Variants in ADGRF1 observed in about 807,000 individuals in gnomAD.
The protein encoded by ADGRF1 is adhesion G protein-coupled receptor F1, also known as G protein-coupled receptor 110.
Under a neutral mutation model 87.2 loss-of-function variants are expected in ADGRF1, and 85 were observed. The observed-to-expected ratio is 0.97, with a 90% confidence interval of 0.82 to 1.17. The LOEUF (loss-of-function observed/expected upper bound fraction) is 1.17. Ranked by LOEUF, ADGRF1 falls within the 50% of genes most tolerant of loss-of-function variation. ADGRF1 has a pLI of 0.00. For missense variants in ADGRF1, 1,169 were observed against 1,077.2 expected, an observed-to-expected ratio of 1.09 and a Z score of -1.19; for synonymous variants, 430 against 408.8, an observed-to-expected ratio of 1.05 and a Z score of -0.63.
rs752170339 is a variant in ADGRF1, at chr6:47,009,760, C to T, written c.1675G>A (p.Val559Met). 18 of 1,614,030 alleles carry T rather than the reference C, an allele frequency of 1.1e-5. No homozygotes were observed. Among genetic ancestry groups the T allele is most frequent in the East Asian group, 2.2e-5 (1 of 44,894 alleles). The stretch of plus-strand genomic sequence containing the variant: ...GTCAAGTGAGTACATTGGCACGTCA[C>T]GATGTCTTGAGTTTCATTCACTAGG... ...CHLVNETQDI[V>M]TCQCTHLTSF... Residue 559 changes from valine to methionine, a missense_variant, in exon 11 of 15, where the codon GTG (valine) becomes ATG (methionine). Val to Met is a conservative substitution (Grantham distance 21). Transcript: ENST00000371253.
chr6:47,023,873 G>C (rs1032609270), intron 5 of ADGRF1, among the ~76,000 whole-genome samples, 171 bp downstream of exon 5: 1 of 152,188 alleles, frequency 6.6e-6, no homozygotes, highest in Non-Finnish European at 1.5e-5. Context: ...TGGATCTTCT[G>C]TACTATGAAA....
Position 47,024,211 on chromosome 6 carries a change from TTGCAGTC to T in ADGRF1, c.278-1_283del. 1 of 1,613,096 alleles carries T rather than the reference TTGCAGTC, an allele frequency of 6.2e-7. No individual in the cohort carries two copies. ...ACACTGCAGGACTCCATTCAGGCTG[TTGCAGTC>T]TGCACAAGAAATAGAACTCAGTCTC... is the stretch of plus-strand genomic sequence containing the variant. On this transcript the variant is annotated splice_acceptor_variant and coding_sequence_variant, in exon 5 of 15. Transcript: ENST00000371253. LOFTEE classifies it high-confidence loss of function.
intron 9 of ADGRF1, chr6:47,014,019 C>T: frequency 6.3e-6 from 1 of 158,384 alleles, no homozygotes; most frequent in Non-Finnish European, 1.4e-5. Flanking sequence ...TGAGTCAAAC[C>T]TCTTTTCTTT....
chr6:47,020,502 C>CAAAA lies in ADGRF1; in HGVS notation c.611+225_611+228dup, dbSNP rs748152209. On this transcript the variant is annotated intron_variant, in intron 7 of 14. Coordinates refer to ENST00000371253, the MANE Select transcript of ADGRF1 (RefSeq NM_153840.4). ...TTGGGCGACAAGAGTGACATTCTGT[C>CAAAA]AAAAAAAAAAAAAAATTTAAGGTCC... The CAAAA allele has an allele frequency of 2.1e-4, 258 of 1,246,550 alleles. No homozygotes were observed. In the African/African-American group the frequency reaches 3.6e-3, roughly 17 times the overall value. 77.2% of individuals were successfully genotyped at this position (1,246,550 alleles called of 1,614,324 possible).
chr6:47,042,024 C>T (rs1780754294), intron 1 of ADGRF1, among the ~76,000 whole-genome samples, 167 bp downstream of exon 1: 1 of 152,172 alleles, frequency 6.6e-6, no homozygotes, highest in South Asian at 2.1e-4. Flanking sequence ...GTTGTTTCTG[C>T]TCATTGCTTT....
rs552572214 is a variant in ADGRF1 at position 46,999,242 on chromosome 6, T to A, written c.*980A>T. 1 of 152,352 alleles carries A rather than the reference T, an allele frequency of 6.6e-6. No individual in the cohort carries two copies. The highest frequency in any genetic ancestry group is 2.4e-5 in the African/African-American group (1 of 41,584). The allele number at this position is 152,352 out of a possible 1,614,324, so 9.4% of individuals were successfully genotyped here. A position where few individuals can be genotyped will look rare whatever the true frequency, so the allele number is the denominator to read the frequency against. On this transcript the variant is annotated 3_prime_UTR_variant, in exon 15 of 15. Transcript: ENST00000371253. ...TCCACAAAGTGCCTATGGTGTATTA[T>A]GAAAGAAAATAAGGATGTTTTAAGG...
intron 7 of ADGRF1, chr6:47,018,444 T>TTAA (rs748267542): frequency 7.8e-7 from 1 of 1,289,758 alleles, no homozygotes; most frequent in South Asian, 1.2e-5. Context: ...TATAAATAAG[T>TTAA]GCAGACACCC....
intron 7 of ADGRF1, 143 bp from the exon 8 acceptor site, chr6:47,016,911 TAAAA>T: frequency 1.7e-6 from 2 of 1,169,624 alleles, no homozygotes; most frequent in Non-Finnish European, 2.2e-6. Context: ...GCAAGGCAAA[TAAAA>T]AAACAAGTAT....
At chr6:47,007,593 G>A (rs1312084686) in intron 11 of ADGRF1, among the ~76,000 whole-genome samples, 1 of 152,184 alleles carries the variant, frequency 6.6e-6, no homozygotes, top group Non-Finnish European at 1.5e-5. Context: ...CAAACAAATA[G>A]CATCCTTTTT....
At chr6:47,018,451 AC>A (rs1779945415) in intron 7 of ADGRF1, 8 of 1,289,588 alleles carry the variant, frequency 6.2e-6, no homozygotes, top group Non-Finnish European at 8.1e-6. Flanking sequence ...AAGTGCAGAC[AC>A]CCTTTTGCTT....
At chr6:47,034,763 A>G (rs2113909368) in intron 1 of ADGRF1, among the ~76,000 whole-genome samples, 1 of 152,206 alleles carries the variant, frequency 6.6e-6, no homozygotes, top group Non-Finnish European at 1.5e-5. Context: ...CCTATGTTTC[A>G]TTGACTGGTT....
In ADGRF1 at chr6:47,028,998, G is replaced by A; in HGVS notation, c.64C>T (p.Leu22=). ...GAGACATAGCACCAACTCACCCCCA[G>A]GAAGCCACCGTGGCCGTCAGTGAAG... ...FTFTDGHGGF[L]GKNDGIKTKK... Residue 22 remains leucine (L), a synonymous_variant, in exon 2 of 15, where the codon CTG becomes TTG. Coordinates refer to ENST00000371253, the MANE Select transcript of ADGRF1 (RefSeq NM_153840.4). 6.2e-7 allele frequency: 1 copy of A among 1,613,798 alleles called. No homozygotes were observed. The highest frequency in any genetic ancestry group is 8.5e-7 in the Non-Finnish European group (1 of 1,179,734).
At chr6:47,033,861 G>C (rs1780508547) in intron 1 of ADGRF1, among the ~76,000 whole-genome samples, 1 of 152,232 alleles carries the variant, frequency 6.6e-6, no homozygotes, top group Non-Finnish European at 1.5e-5. Flanking sequence ...AAAATAGGTG[G>C]GAGGACAGAA....
At position 47,022,092 on chromosome 6, in the gene ADGRF1, T is replaced by A. The variant is rs184310604; in HGVS notation, c.452-34A>T. 7.5e-5 allele frequency: 90 copies of A among 1,204,834 alleles called. 1 individual carries two copies. In the Admixed American group the frequency reaches 1.9e-3, roughly 25 times the overall value. The allele number at this position is 1,204,834 out of a possible 1,614,324, so 74.6% of individuals were successfully genotyped here. On this transcript the variant is annotated intron_variant, in intron 5 of 14. Coordinates refer to ENST00000371253, the MANE Select transcript of ADGRF1 (RefSeq NM_153840.4). Reference sequence around the variant, plus strand: ...AATAAAAATAAGTTTATAGACATAATAAATTTCTAACTTGATTTACTAGTA... The same window carrying A: ...AATAAAAATAAGTTTATAGACATAAAAAATTTCTAACTTGATTTACTAGTA...
intron 8 of ADGRF1, 129 bp from the exon 9 acceptor site, chr6:47,014,973 G>A: frequency 7.7e-7 from 1 of 1,293,204 alleles, no homozygotes; most frequent in Admixed American, 3.2e-5. Flanking sequence ...AAATTCAGAA[G>A]TAAGAGAAGT....
intron 7 of ADGRF1, chr6:47,017,440 A>G (rs1779917150): frequency 6.6e-6 from 1 of 152,244 alleles, no homozygotes; most frequent in East Asian, 1.9e-4. Flanking sequence ...GGTGGCTTGA[A>G]CTAGCTGGGT....
At chr6:47,014,940 T>G in intron 8 of ADGRF1, 96 bp from the exon 9 acceptor site, 1 of 1,389,968 alleles carries the variant, frequency 7.2e-7, no homozygotes, top group Non-Finnish European at 9.4e-7. Context: ...TTAGAACTCA[T>G]TTTTGGAGAT....
intron 7 of ADGRF1, chr6:47,019,413 G>A: frequency 3.1e-6 from 3 of 979,952 alleles, no homozygotes; most frequent in Non-Finnish European, 3.6e-6. Flanking sequence ...GCCAGATGCA[G>A]AGGCTCACAC....
rs77988110 is a variant in ADGRF1 at position 47,028,066 on chromosome 6, G to A, written c.70-305C>T. ...AGGCAGGTTGTGCAGACCTTTATAGGCCATGGAAAGGGTTTTACCTTTTCC... is the reference window on the plus strand; with the variant it reads ...AGGCAGGTTGTGCAGACCTTTATAGACCATGGAAAGGGTTTTACCTTTTCC... On this transcript the variant is annotated intron_variant, in intron 2 of 14. Coordinates refer to ENST00000371253, the MANE Select transcript of ADGRF1 (RefSeq NM_153840.4). Among the ~76,000 whole-genome samples the A allele has an allele frequency of 3.3e-3, 498 of 152,278 alleles. 2 individuals carry two copies. Among genetic ancestry groups the A allele is most frequent in the Non-Finnish European group, 5.3e-3 (361 of 68,032 alleles).
Sources: gnomAD v4.1 joint callset for allele counts (sites outside exome capture counted in the v4.1 genomes callset) on GRCh38, gnomAD v4.1.1 for gene constraint, MANE v1.5 for transcripts, NCBI Gene and HGNC (gene_info 2026-07-23, HGNC 2026-07-21) for gene names.